Variants in MAD1L1 observed in about 807,000 individuals in gnomAD.
MAD1L1 encodes the protein mitotic arrest deficient 1 like 1, also known as mitotic spindle assembly checkpoint protein MAD1.
A neutral mutation model predicts 96.9 loss-of-function variants in MAD1L1; 95 were observed. That is an observed-to-expected ratio of 0.98 (90% CI 0.83 to 1.16). The LOEUF (loss-of-function observed/expected upper bound fraction) is 1.16. Among genes scored for constraint, MAD1L1 ranks in the 50% most tolerant of loss-of-function variants. The pLI is 0.00. For synonymous variants in MAD1L1, 473 were observed against 396.6 expected (o/e 1.19, Z -2.29); for missense variants, 1,007 against 954.4 (o/e 1.06, Z -0.73).
At chr7:1,838,626 C>T (rs1783061675) in intron 18 of MAD1L1, 2 of 399,634 alleles carry the variant, frequency 5.0e-6, no homozygotes, top group African/African-American at 2.1e-5. Context: ...CTGCAGGTAG[C>T]GGAGTCTAGA....
intron 10 of MAD1L1, among the ~76,000 whole-genome samples, chr7:2,180,146 C>T (rs746002797): frequency 5.3e-5 from 8 of 152,182 alleles, no homozygotes; most frequent in Non-Finnish European, 1.2e-4. Flanking sequence ...CACAGAAAAG[C>T]TAAGAAATGA....
intron 11 of MAD1L1, among the ~76,000 whole-genome samples, chr7:2,084,960 C>T (rs150348049): frequency 1.3e-5 from 2 of 152,290 alleles, no homozygotes; most frequent in Non-Finnish European, 1.5e-5. Context: ...TACATCGTCA[C>T]GTTTATGTGT....
At chr7:2,007,650 G>C (rs1010089357) in intron 13 of MAD1L1, among the ~76,000 whole-genome samples, 9 of 152,286 alleles carry the variant, frequency 5.9e-5, no homozygotes, top group Admixed American at 5.9e-4. Flanking sequence ...TTCCAGCCCG[G>C]GCGACTGAGC....
chr7:1,851,648 G>C (rs930913384), intron 18 of MAD1L1, among the ~76,000 whole-genome samples: 1 of 152,314 alleles, frequency 6.6e-6, no homozygotes, highest in East Asian at 1.9e-4. Flanking sequence ...GTTAGTGAAG[G>C]CGTGGCGAGG....
At chr7:1,816,919 C>G (rs1477657066) in intron 18 of MAD1L1, 5 of 152,330 alleles carry the variant, frequency 3.3e-5, no homozygotes, top group Admixed American at 2.6e-4. Context: ...AGCCCCAGGT[C>G]AGGCAGGACA....
Position 2,196,770 on chromosome 7 carries a change from C to CG in MAD1L1, c.986+16441dup, listed in dbSNP as rs746273655. Among the ~76,000 whole-genome samples, 3 of 152,366 alleles carry CG rather than the reference C, an allele frequency of 2.0e-5. No individual in the cohort carries two copies. The East Asian group carries it at 5.8e-4, about 29-fold the overall frequency. On this transcript the variant is annotated intron_variant, in intron 10 of 18. Transcript: ENST00000265854. ...ACCCTCTTCAGAAGTCAGAAGGCCT[C>CG]GGGCTCCCTGCTCACAGGAACAGTG...
rs1335162917 is a variant in MAD1L1, at chr7:2,215,895, A to C, written c.914T>G (p.Leu305Arg). Reference sequence around the variant, plus strand: ...CACACAGGCCCTCACCTCGTTCTCCAGCTCCAAGCCAACCAGCGTCTCCTG... The same window carrying C: ...CACACAGGCCCTCACCTCGTTCTCCCGCTCCAAGCCAACCAGCGTCTCCTG... The part of the protein sequence containing the change: ...KMQETLVGLE[L>R]ENERLLAKLQ... The change falls in exon 9 of 19, where the codon CTG becomes CGG. Residue 305 changes from leucine (L) to arginine (R), a missense_variant. By Grantham distance (102) the Leu-to-Arg change is moderately radical (BLOSUM62 -2). Coordinates refer to ENST00000265854, the MANE Select transcript of MAD1L1 (RefSeq NM_001013836.2). 1 of 1,614,126 alleles carries C rather than the reference A, an allele frequency of 6.2e-7. No homozygotes were observed. Among genetic ancestry groups the C allele is most frequent in the South Asian group, 1.1e-5 (1 of 91,080 alleles).
Position 2,069,252 on chromosome 7 carries a change from C to T in MAD1L1, c.1160G>A (p.Arg387His), listed in dbSNP as rs1270834962. 9.3e-6 allele frequency: 15 copies of T among 1,611,988 alleles called. No individual in the cohort carries two copies. The highest frequency in any genetic ancestry group is 1.7e-4 in the Middle Eastern group (1 of 6,050). ...SGQLLEERKK[R>H]ETHEALARRL... Reference sequence around the variant, plus strand: ...CCGGGCCAGCGCCTCGTGGGTCTCGCGCTTCTTCCTCTCCTCCAACAGCTG... The same window carrying T: ...CCGGGCCAGCGCCTCGTGGGTCTCGTGCTTCTTCCTCTCCTCCAACAGCTG... The change falls in exon 12 of 19, where the codon CGC (arginine) becomes CAC (histidine). Residue 387 changes from arginine (R) to histidine (H), a missense_variant. By Grantham distance (29) the Arg-to-His change is conservative (BLOSUM62 0). Coordinates refer to ENST00000265854, the MANE Select transcript of MAD1L1 (RefSeq NM_001013836.2).
chr7:1,843,245 TTC>T (rs1467800306), intron 18 of MAD1L1, among the ~76,000 whole-genome samples: 1 of 152,216 alleles, frequency 6.6e-6, no homozygotes, highest in Admixed American at 6.5e-5. Flanking sequence ...TCTGGCGTCT[TTC>T]TCTGTCTTCC....
intron 18 of MAD1L1, among the ~76,000 whole-genome samples, chr7:1,839,446 C>G (rs145891091): frequency 1.3e-5 from 2 of 152,056 alleles, no homozygotes; most frequent in Admixed American, 1.3e-4. Flanking sequence ...GCCAGCTGCC[C>G]GCAGGACAAG....
intron 12 of MAD1L1, among the ~76,000 whole-genome samples, chr7:2,016,364 G>C (rs1193047667): frequency 2.0e-5 from 3 of 152,172 alleles, no homozygotes; most frequent in African/African-American, 7.2e-5. Flanking sequence ...CAAATTCATG[G>C]CCCTGATAGA....
chr7:1,965,650 G>C (rs900841231), intron 15 of MAD1L1, among the ~76,000 whole-genome samples: 3 of 152,252 alleles, frequency 2.0e-5, no homozygotes, highest in Non-Finnish European at 4.4e-5. Context: ...TCTGCTCTTC[G>C]CACACTACCA....
At chr7:2,108,304 G>A (rs1444429505) in intron 11 of MAD1L1, among the ~76,000 whole-genome samples, 1 of 152,184 alleles carries the variant, frequency 6.6e-6, no homozygotes, top group African/African-American at 2.4e-5. Flanking sequence ...TAAAAAGAGC[G>A]CTCCGACGGT....
intron 10 of MAD1L1, among the ~76,000 whole-genome samples, chr7:2,167,364 G>A (rs978582679): frequency 1.9e-4 from 29 of 151,650 alleles, no homozygotes; most frequent in African/African-American, 6.3e-4. Context: ...TGGCTAACAC[G>A]GTGAAACCCC....
chr7:1,925,417 C>T (rs900119545), intron 17 of MAD1L1, among the ~76,000 whole-genome samples: 97 of 152,268 alleles, frequency 6.4e-4, no homozygotes, highest in African/African-American at 2.1e-3. Flanking sequence ...TATAACGACC[C>T]GAAGTTTATA....
chr7:2,010,925 C>T (rs938175193), intron 13 of MAD1L1, among the ~76,000 whole-genome samples: 12 of 152,014 alleles, frequency 7.9e-5, no homozygotes, highest in African/African-American at 2.7e-4. Context: ...TGAACAGAGG[C>T]CAAGGGAGAG....
chr7:1,880,843 G>C (rs1429880330), intron 18 of MAD1L1, among the ~76,000 whole-genome samples: 1 of 152,208 alleles, frequency 6.6e-6, no homozygotes, highest in Non-Finnish European at 1.5e-5. Context: ...GAGACGGTGA[G>C]CTGGGAACAG....
chr7:2,226,760 C>T (rs975395024), intron 3 of MAD1L1, among the ~76,000 whole-genome samples: 7 of 152,078 alleles, frequency 4.6e-5, no homozygotes, highest in South Asian at 2.1e-4. Flanking sequence ...GAGGCCAAGG[C>T]GGGTGGATCA....
chr7:2,185,684 G>A (rs565851792), intron 10 of MAD1L1, among the ~76,000 whole-genome samples: 3 of 152,076 alleles, frequency 2.0e-5, no homozygotes, highest in East Asian at 3.9e-4. Flanking sequence ...TTTCATGAGA[G>A]AGAGACCATT....
Sources: allele counts gnomAD v4.1 joint callset (sites outside exome capture counted in the v4.1 genomes callset), GRCh38; gene constraint gnomAD v4.1.1; transcripts MANE v1.5; gene names NCBI Gene and HGNC (gene_info 2026-07-23, HGNC 2026-07-21).